The following PCDHGC4 variants were observed in gnomAD, a reference collection of about 807,000 sequenced individuals.
PCDHGC4 encodes the protein protocadherin gamma-C4.
A neutral mutation model predicts 59.7 loss-of-function variants in PCDHGC4; 15 were observed. The ratio of observed to expected loss-of-function variants is 0.25; its 90% confidence interval spans 0.17 to 0.39. The LOEUF (loss-of-function observed/expected upper bound fraction) is 0.39, where lower values mean the gene tolerates loss of function less well. Ranked by LOEUF, PCDHGC4 falls within the 10% of genes least tolerant of loss-of-function variation. The probability of loss-of-function intolerance (pLI) is 1.00; values close to 1 mark genes in which losing one functional copy is unlikely to be tolerated. For synonymous variants in PCDHGC4, 434 were observed against 481.4 expected (o/e 0.90, Z 1.29); for missense variants, 1,016 against 1,189.5 (o/e 0.85, Z 2.15).
In PCDHGC4 at chr5:141,487,519, T is replaced by C. The variant is rs1288070159; in HGVS notation, c.2346T>C (p.Ser782=). The C allele has an allele frequency of 6.2e-7, 1 of 1,614,046 alleles. No individual in the cohort carries two copies. ...CTPLASAPTR[S]DSFMMVKSPS... ...CCTTGGCTTCTGCACCCACTCGGAG[T>C]GATAGCTTCATGATGGTGAAGTCAC... The change falls in exon 1 of 4, where the codon AGT becomes AGC. Residue 782 remains serine (S), a synonymous_variant. Transcript: ENST00000306593. The surrounding 1 kb of genome is among the most constrained non-coding windows in gnomAD (Gnocchi z 5.0).
In PCDHGC4 at chr5:141,510,272, T is replaced by TAAA. The variant is rs546154379; in HGVS notation, c.2591-658_2591-656dup. 1.5e-3 allele frequency among the ~76,000 whole-genome samples: 198 copies of TAAA among 130,372 alleles called. 1 individual carries two copies. Among genetic ancestry groups the TAAA allele is most frequent in the Non-Finnish European group, 2.8e-3 (172 of 61,058 alleles). The allele number at this position is 130,372 out of a possible 152,430, so 85.5% of individuals were successfully genotyped here. ...TGGGCGACAGAGCAGGACTCCATCTTAAAAAAAAAAAAAAAAAAATGCTGT... is the reference window on the plus strand; with the variant it reads ...TGGGCGACAGAGCAGGACTCCATCTTAAAAAAAAAAAAAAAAAAAAAATGCTGT... On this transcript the variant is annotated intron_variant, in intron 3 of 3. Coordinates refer to ENST00000306593, the MANE Select transcript of PCDHGC4 (RefSeq NM_018928.3).
At chr5:141,499,835 C>T (rs931946377) in intron 2 of PCDHGC4, among the ~76,000 whole-genome samples, 2 of 151,916 alleles carry the variant, frequency 1.3e-5, no homozygotes, top group Admixed American at 6.6e-5. Flanking sequence ...TACAGGTGTG[C>T]ACCACCACAC....
At position 141,490,788 on chromosome 5, in the gene PCDHGC4, C is replaced by G. The variant is rs2099704332; in HGVS notation, c.2442+3173C>G. ...ATGTCAACCCAGAGGATGGACGGAT[C>G]TTTGCCCAGCGTACCTTTGACTATG... On this transcript the variant is annotated intron_variant, in intron 1 of 3. Coordinates refer to ENST00000306593, the MANE Select transcript of PCDHGC4 (RefSeq NM_018928.3). The surrounding 1 kb of genome is among the most constrained non-coding windows in gnomAD (Gnocchi z 5.4). 6.2e-7 allele frequency: 1 copy of G among 1,613,918 alleles called. No homozygotes were observed. The highest frequency in any genetic ancestry group is 1.1e-5 in the South Asian group (1 of 91,084).
chr5:141,489,900 A>G lies in PCDHGC4; in HGVS notation c.2442+2285A>G, dbSNP rs963522810. The stretch of plus-strand genomic sequence containing the variant: ...TTACTGCTGTGGATGGGGGGACCCC[A>G]GCCCGCTCAGGGACCACCCTTATCT... On this transcript the variant is annotated intron_variant, in intron 1 of 3. Transcript: ENST00000306593. The surrounding 1 kb of genome is among the most constrained non-coding windows in gnomAD (Gnocchi z 4.5). The G allele has an allele frequency of 1.9e-6, 3 of 1,614,254 alleles. No homozygotes were observed. The highest frequency in any genetic ancestry group is 1.7e-5 in the Admixed American group (1 of 60,026).
At position 141,511,124 on chromosome 5, in the gene PCDHGC4, C is replaced by A. The variant is rs752246201; in HGVS notation, c.2768C>A (p.Ala923Glu). The A allele has an allele frequency of 6.2e-7, 1 of 1,614,206 alleles. No homozygotes were observed. The highest frequency in any genetic ancestry group is 8.5e-7 in the Non-Finnish European group (1 of 1,180,022). ...AAGKRDGKAP[A>E]GGNGNKKKSG... The stretch of plus-strand genomic sequence containing the variant: ...GGCAAGCGGGATGGCAAGGCCCCAG[C>A]AGGTGGCAATGGCAACAAGAAGAAG... Residue 923 changes from alanine (A) to glutamate (E), a missense_variant, in exon 4 of 4, where the codon GCA becomes GAA. Coordinates refer to ENST00000306593, the MANE Select transcript of PCDHGC4 (RefSeq NM_018928.3).
At position 141,486,478 on chromosome 5, in the gene PCDHGC4, C is replaced by T; in HGVS notation, c.1305C>T (p.Leu435=). The T allele has an allele frequency of 2.5e-6, 4 of 1,614,026 alleles. No homozygotes were observed. The highest frequency in any genetic ancestry group is 3.4e-6 in the Non-Finnish European group (4 of 1,179,854). The change falls in exon 1 of 4, where the codon CTC becomes CTT. Residue 435 remains leucine (L), a synonymous_variant. Transcript: ENST00000306593. The surrounding 1 kb of genome is among the most constrained non-coding windows in gnomAD (Gnocchi z 5.0). ...CTTCTGATGCTGGGAACCCTCCTCT[C>T]AGTACCCACAGAACTATTTTCCTCA... ...VTASDAGNPP[L]STHRTIFLNI... is the part of the protein sequence containing the mutation.
Position 141,485,746 on chromosome 5 carries a change from C to T in PCDHGC4, c.573C>T (p.Val191=), listed in dbSNP as rs1297635523. ...DVKKRSDGSL[V]PELLLEKPLD... is the part of the protein sequence containing the mutation. ...AGAAGCGCAGCGACGGCAGCCTGGT[C>T]CCAGAGCTGCTCCTGGAGAAGCCTT... Residue 191 remains valine (V), a synonymous_variant, in exon 1 of 4, where the codon GTC becomes GTT. Coordinates refer to ENST00000306593, the MANE Select transcript of PCDHGC4 (RefSeq NM_018928.3). The surrounding 1 kb of genome is among the most constrained non-coding windows in gnomAD (Gnocchi z 5.7). 6.2e-7 allele frequency: 1 copy of T among 1,614,128 alleles called. No individual in the cohort carries two copies. The highest frequency in any genetic ancestry group is 2.2e-5 in the East Asian group (1 of 44,880).
rs1307889557 is a variant in PCDHGC4, at chr5:141,486,267, C to G, written c.1094C>G (p.Pro365Arg). Residue 365 changes from proline to arginine, a missense_variant, in exon 1 of 4, where the codon CCT (proline) becomes CGT (arginine). Pro to Arg is a moderately radical substitution (Grantham distance 103, BLOSUM62 -2). Transcript: ENST00000306593. The surrounding 1 kb of genome is among the most constrained non-coding windows in gnomAD (Gnocchi z 5.0). ...GGAACCCTCCCCGAGAGTGCAGAAC[C>G]TGGCACTGTGGTGGCACTTATCAGT... Reference protein sequence around the residue: ...ELGTLPESAEPGTVVALISVQ... With the variant: ...ELGTLPESAERGTVVALISVQ... 1 of 1,614,128 alleles carries G rather than the reference C, an allele frequency of 6.2e-7. No homozygotes were observed. Among genetic ancestry groups the G allele is most frequent in the South Asian group, 1.1e-5 (1 of 91,072 alleles).
rs1193095881 is a variant in PCDHGC4 at position 141,490,273 on chromosome 5, G to T, written c.2442+2658G>T. On this transcript the variant is annotated intron_variant, in intron 1 of 3. Coordinates refer to ENST00000306593, the MANE Select transcript of PCDHGC4 (RefSeq NM_018928.3). This position sits in a 1 kb window ranked among gnomAD's most constrained non-coding sequence, Gnocchi z 5.4. ...TCAAGTGGATGTGGGGGATGTCAAT[G>T]ACAATGCCCCAGAGGTGCTATTGGC... 6.2e-7 allele frequency: 1 copy of T among 1,614,108 alleles called. No homozygotes were observed. The highest frequency in any genetic ancestry group is 8.5e-7 in the Non-Finnish European group (1 of 1,180,052).
At chr5:141,500,182 ATT>A (rs1199992745) in intron 2 of PCDHGC4, among the ~76,000 whole-genome samples, 2 of 131,622 alleles carry the variant, frequency 1.5e-5, no homozygotes, top group African/African-American at 3.1e-5. Flanking sequence ...CTTCATTTTT[ATT>A]TTTATTTATT....
chr5:141,485,118 G>C lies in PCDHGC4; in HGVS notation c.-56G>C, dbSNP rs547390669. 1 of 1,331,536 alleles carries C rather than the reference G, an allele frequency of 7.5e-7. No homozygotes were observed. Among genetic ancestry groups the C allele is most frequent in the East Asian group, 2.3e-5 (1 of 43,534 alleles). The allele number at this position is 1,331,536 out of a possible 1,614,324, so 82.5% of individuals were successfully genotyped here. On this transcript the variant is annotated 5_prime_UTR_variant, in exon 1 of 4. Coordinates refer to ENST00000306593, the MANE Select transcript of PCDHGC4 (RefSeq NM_018928.3). The surrounding 1 kb of genome is among the most constrained non-coding windows in gnomAD (Gnocchi z 5.7). ...TCTCCAGCTGCTGTGGCTGTTTGGG[G>C]CGGGTCGGCTTCATCCGCGTCTCAG...
intron 2 of PCDHGC4, among the ~76,000 whole-genome samples, chr5:141,504,859 C>T (rs1396681670): frequency 6.6e-6 from 1 of 152,090 alleles, no homozygotes; most frequent in African/African-American, 2.4e-5. Context: ...TCTTCCATTT[C>T]CCACCTTCAC....
chr5:141,511,462 C>T lies in PCDHGC4; in HGVS notation c.*289C>T, dbSNP rs1385398410. On this transcript the variant is annotated 3_prime_UTR_variant, in exon 4 of 4. Transcript: ENST00000306593. Reference sequence around the variant, plus strand: ...AGACACCAAGAACCATTTGCCACACCCCGTTTAGTTACAGCTGAACTCCTC... The same window carrying T: ...AGACACCAAGAACCATTTGCCACACTCCGTTTAGTTACAGCTGAACTCCTC... 5.4e-6 allele frequency: 3 copies of T among 556,350 alleles called. No individual in the cohort carries two copies. In the South Asian group the frequency reaches 6.3e-5, roughly 12 times the overall value. 34.5% of individuals were successfully genotyped at this position (556,350 alleles called of 1,614,324 possible).
chr5:141,506,896 T>C (rs1417106112), intron 3 of PCDHGC4, among the ~76,000 whole-genome samples: 3 of 152,158 alleles, frequency 2.0e-5, no homozygotes, highest in African/African-American at 7.2e-5. Flanking sequence ...CAAGAAGCAC[T>C]GTCATCACAC....
At chr5:141,495,605 T>G (rs1201224193) in intron 2 of PCDHGC4, among the ~76,000 whole-genome samples, 2 of 152,228 alleles carry the variant, frequency 1.3e-5, no homozygotes, top group African/African-American at 2.4e-5. Context: ...GCTTCCGTCT[T>G]GATTGCTGCA....
chr5:141,488,837 C>A (rs550655328), intron 1 of PCDHGC4, among the ~76,000 whole-genome samples: 1 of 152,280 alleles, frequency 6.6e-6, no homozygotes, highest in African/African-American at 2.4e-5. Context: ...GCCAAGGGGG[C>A]TGAATCAACC....
rs748803155 is a variant in PCDHGC4, at chr5:141,490,087, G to A, written c.2442+2472G>A. On this transcript the variant is annotated intron_variant, in intron 1 of 3. Coordinates refer to ENST00000306593, the MANE Select transcript of PCDHGC4 (RefSeq NM_018928.3). The surrounding 1 kb of genome is among the most constrained non-coding windows in gnomAD (Gnocchi z 5.4). ...CGGCCAACTAGACTATTCTTTTGGA[G>A]ACCACACATCTGAGGCAGTGCGGAA... 2.5e-6 allele frequency: 4 copies of A among 1,614,244 alleles called. No homozygotes were observed. The highest frequency in any genetic ancestry group is 1.3e-5 in the African/African-American group (1 of 75,068).
chr5:141,489,339 C>T lies in PCDHGC4; in HGVS notation c.2442+1724C>T. 6.2e-7 allele frequency: 1 copy of T among 1,608,828 alleles called. No individual in the cohort carries two copies. On this transcript the variant is annotated intron_variant, in intron 1 of 3. Transcript: ENST00000306593. The surrounding 1 kb of genome is among the most constrained non-coding windows in gnomAD (Gnocchi z 4.5). ...GCTGGGTGTCTGGGCAGCTTCGTTA[C>T]TCAGTGGTGGAGGAGTCTGAGCCGG...
chr5:141,501,290 T>TACACATACACAC (rs1224133816), intron 2 of PCDHGC4, among the ~76,000 whole-genome samples: 9 of 136,158 alleles, frequency 6.6e-5, no homozygotes, highest in Admixed American at 1.6e-4. Context: ...TATTCCCTTA[T>TACACATACACAC]ACACACACAC....
Sources: allele counts gnomAD v4.1 joint callset (sites outside exome capture counted in the v4.1 genomes callset), GRCh38; gene constraint gnomAD v4.1.1; non-coding constraint Gnocchi (gnomAD v3.1); transcripts MANE v1.5; gene names NCBI Gene and HGNC (gene_info 2026-07-23, HGNC 2026-07-21).